The following HS6ST2 variants were observed in gnomAD, a reference collection of about 807,000 sequenced individuals.
The protein encoded by HS6ST2 is heparan-sulfate 6-O-sulfotransferase 2.
In HS6ST2, 17 loss-of-function variants were observed where a neutral mutation model predicts 33.0. That is an observed-to-expected ratio of 0.52 (90% CI 0.35 to 0.77). HS6ST2 has a LOEUF of 0.77. Ranked by LOEUF, HS6ST2 falls within the 30% of genes least tolerant of loss-of-function variation. HS6ST2 has a pLI of 0.01. For synonymous variants in HS6ST2, 248 were observed against 237.1 expected, an observed-to-expected ratio of 1.05 and a Z score of -0.42; for missense variants, 519 against 551.7, an observed-to-expected ratio of 0.94 and a Z score of 0.59.
chrX:132,719,548 A>G (rs1182867819), intron 2 of HS6ST2, among the ~76,000 whole-genome samples: 1 of 111,732 alleles, frequency 8.9e-6, no homozygotes, highest in Non-Finnish European at 1.9e-5. Context: ...GGCCTTGGAC[A>G]AGGTCATGCA....
chrX:132,881,573 T>A (rs1382750047), intron 2 of HS6ST2, among the ~76,000 whole-genome samples: 1 of 111,728 alleles, frequency 9.0e-6, no homozygotes, highest in Non-Finnish European at 1.9e-5. Context: ...ATTCTGTAGG[T>A]TGCCTGTTCA....
At chrX:132,913,210 G>A (rs1399023187) in intron 2 of HS6ST2, among the ~76,000 whole-genome samples, 2 of 111,249 alleles carry the variant, frequency 1.8e-5, no homozygotes, top group African/African-American at 6.5e-5. Flanking sequence ...CCTGCCAAAC[G>A]TGGGTACAAA....
chrX:132,629,536 A>G (rs2063503306), intron 4 of HS6ST2, among the ~76,000 whole-genome samples: 1 of 112,408 alleles, frequency 8.9e-6, no homozygotes, highest in South Asian at 3.7e-4. Flanking sequence ...ACTTTATTGG[A>G]GTGAAATGGA....
At chrX:132,765,418 A>ATG (rs35292964) in intron 2 of HS6ST2, among the ~76,000 whole-genome samples, 52,606 of 108,334 alleles carry the variant, frequency 0.49, 9,630 homozygotes, top group Middle Eastern at 0.54. Flanking sequence ...GTGTGTGTGC[A>ATG]TGTGTGTGTG....
At chrX:132,900,200 T>C (rs2066414677) in intron 2 of HS6ST2, among the ~76,000 whole-genome samples, 1 of 111,947 alleles carries the variant, frequency 8.9e-6, no homozygotes, top group African/African-American at 3.2e-5. Context: ...CTATCAATTC[T>C]TACACTTCTT....
intron 4 of HS6ST2, among the ~76,000 whole-genome samples, chrX:132,664,300 C>T (rs1196493571): frequency 1.8e-5 from 2 of 112,234 alleles, no homozygotes; most frequent in African/African-American, 6.5e-5. Flanking sequence ...TGAGCCACCA[C>T]GCCCAGCCTT....
chrX:132,907,029 G>T (rs1042602386), intron 2 of HS6ST2, among the ~76,000 whole-genome samples: 1 of 111,696 alleles, frequency 9.0e-6, no homozygotes, highest in African/African-American at 3.3e-5. Flanking sequence ...CACACAATGT[G>T]ATGTCTGCTC....
chrX:132,933,662 A>G lies in HS6ST2; in HGVS notation c.947+23146T>C, dbSNP rs777246603. On this transcript the variant is annotated intron_variant, in intron 2 of 4. Transcript: ENST00000370833. ...GATAACCAAAAAGAGATCCTAACAC[A>G]GACATACCATACTAAAAATGTTAAA... 7.1e-5 allele frequency among the ~76,000 whole-genome samples: 8 copies of G among 111,977 alleles called. No individual in the cohort carries two copies. The South Asian group carries it at 3.0e-3, about 42-fold the overall frequency.
At chrX:132,793,121 C>T (rs1263392867) in intron 2 of HS6ST2, among the ~76,000 whole-genome samples, 4 of 84,044 alleles carry the variant, frequency 4.8e-5, no homozygotes, top group East Asian at 8.3e-4. Flanking sequence ...AGTGCAGTGG[C>T]GCAATCTCAG....
chrX:132,670,189 T>C (rs780524318), intron 3 of HS6ST2, among the ~76,000 whole-genome samples: 1 of 111,813 alleles, frequency 8.9e-6, no homozygotes, highest in South Asian at 3.7e-4. Flanking sequence ...TTGCTTTTAA[T>C]GTGTATAATA....
At chrX:132,694,664 G>A (rs2064090019) in intron 3 of HS6ST2, among the ~76,000 whole-genome samples, 2 of 111,117 alleles carry the variant, frequency 1.8e-5, no homozygotes, top group Non-Finnish European at 3.8e-5. Flanking sequence ...GTCCAATAAA[G>A]GAAGCAGGGG....
At chrX:132,855,108 T>C (rs186279875) in intron 2 of HS6ST2, among the ~76,000 whole-genome samples, 156 of 112,055 alleles carry the variant, frequency 1.4e-3, no homozygotes, top group African/African-American at 5.0e-3. Context: ...CTTCAAATCT[T>C]CCCACTCAGT....
At chrX:132,883,542 A>G (rs2066209091) in intron 2 of HS6ST2, among the ~76,000 whole-genome samples, 1 of 111,411 alleles carries the variant, frequency 9.0e-6, no homozygotes, top group Non-Finnish European at 1.9e-5. Flanking sequence ...TGTCAAGCAT[A>G]TATTGTACAG....
rs1250388676 is a variant in HS6ST2, at chrX:132,882,286, C to T, written c.947+74522G>A. Among the ~76,000 whole-genome samples, 5 of 111,165 alleles carry T rather than the reference C, an allele frequency of 4.5e-5. No individual in the cohort carries two copies. The East Asian group carries it at 1.4e-3, about 31-fold the overall frequency. ...AGAATGCTCTTCCATTTGTTTGTGT[C>T]CTCTTTTATTTCCTTGAGCAGTGGT... On this transcript the variant is annotated intron_variant, in intron 2 of 4. Transcript: ENST00000370833.
chrX:132,911,889 G>A (rs750699814), intron 2 of HS6ST2, among the ~76,000 whole-genome samples: 26 of 110,994 alleles, frequency 2.3e-4, no homozygotes, highest in African/African-American at 8.5e-4. Flanking sequence ...TGCCTGTCTC[G>A]GCCTCCCAAA....
At chrX:132,832,579 C>T (rs1172365802) in intron 2 of HS6ST2, among the ~76,000 whole-genome samples, 1 of 111,608 alleles carries the variant, frequency 9.0e-6, no homozygotes, top group African/African-American at 3.2e-5. Context: ...AAAAAGTTGG[C>T]ATTAATTCAT....
intron 2 of HS6ST2, among the ~76,000 whole-genome samples, chrX:132,906,367 A>C (rs2066475716): frequency 1.8e-5 from 2 of 112,552 alleles, no homozygotes; most frequent in Non-Finnish European, 3.7e-5. Context: ...CAACTTCTTA[A>C]ACATTGTTAA....
chrX:132,919,954 T>C (rs2066634508), intron 2 of HS6ST2, among the ~76,000 whole-genome samples: 1 of 111,604 alleles, frequency 9.0e-6, no homozygotes, highest in Non-Finnish European at 1.9e-5. Context: ...CGGAAAACCC[T>C]GGAAAGATGA....
At chrX:132,647,811 C>A (rs1488922783) in intron 4 of HS6ST2, among the ~76,000 whole-genome samples, 1 of 112,054 alleles carries the variant, frequency 8.9e-6, no homozygotes, top group Non-Finnish European at 1.9e-5. Context: ...ATAATCCAGG[C>A]AGCATGTCTG....
Sources: allele counts gnomAD v4.1 joint callset (sites outside exome capture counted in the v4.1 genomes callset), GRCh38; gene constraint gnomAD v4.1.1; transcripts MANE v1.5; gene names NCBI Gene and HGNC (gene_info 2026-07-23, HGNC 2026-07-21).